The following XDH variants were observed in gnomAD, a reference collection of about 807,000 sequenced individuals.
XDH encodes xanthine dehydrogenase.
A neutral mutation model predicts 156.1 loss-of-function variants in XDH; 138 were observed. The ratio of observed to expected loss-of-function variants is 0.88; its 90% confidence interval spans 0.77 to 1.02. The LOEUF (loss-of-function observed/expected upper bound fraction) is 1.02, where lower values mean the gene tolerates loss of function less well. Among genes scored for constraint, XDH ranks in the 50% least tolerant of loss-of-function variants. The probability of loss-of-function intolerance (pLI) is 0.00; values close to 1 mark genes in which losing one functional copy is unlikely to be tolerated. For missense variants in XDH, 1,849 were observed against 1,684.9 expected, an observed-to-expected ratio of 1.10 and a Z score of -1.71; for synonymous variants, 669 against 625.7, an observed-to-expected ratio of 1.07 and a Z score of -1.03.
At chr2:31,337,841 C>T (rs1352906138) in intron 34 of XDH, 24 bp from the exon 35 acceptor site, 1 of 1,610,956 alleles carries the variant, frequency 6.2e-7, no homozygotes, top group South Asian at 1.1e-5. Context: ...GGGCACAGGG[C>T]AGGGGCTCAG....
At chr2:31,345,735 G>A (rs543774580) in intron 30 of XDH, among the ~76,000 whole-genome samples, 3 of 152,176 alleles carry the variant, frequency 2.0e-5, no homozygotes, top group Admixed American at 6.5e-5. Flanking sequence ...GTGCACATGC[G>A]CATGTGTATG....
intron 13 of XDH, 116 bp from the exon 14 acceptor site, chr2:31,377,353 G>C: frequency 8.9e-7 from 1 of 1,129,254 alleles, no homozygotes; most frequent in Non-Finnish European, 1.3e-6. Context: ...TCACACATCA[G>C]TGGGTGAACT....
At chr2:31,378,175 GAAGC>G (rs150555652) in intron 13 of XDH, among the ~76,000 whole-genome samples, 2,242 of 70,440 alleles carry the variant, frequency 0.032, 153 homozygotes, top group South Asian at 0.067. Context: ...AGGAAGGAAG[GAAGC>G]AAGCAAGCAA....
chr2:31,341,949 G>A (rs2148750202), intron 32 of XDH, among the ~76,000 whole-genome samples: 1 of 152,288 alleles, frequency 6.6e-6, no homozygotes, highest in Non-Finnish European at 1.5e-5. Context: ...TTTACAAGCT[G>A]TCTATGACTG....
chr2:31,370,529 AC>A (rs1339061258), intron 17 of XDH, 51 bp from the exon 18 acceptor site: 1 of 1,610,624 alleles, frequency 6.2e-7, no homozygotes, highest in African/African-American at 1.3e-5. Context: ...GGAGCAGGGG[AC>A]CCATCACCTG....
In XDH at chr2:31,365,929, ATTC is replaced by A. The variant is rs771470805; in HGVS notation, c.2456+44_2456+46del. On this transcript the variant is annotated intron_variant, in intron 22 of 35. Coordinates refer to ENST00000379416, the MANE Select transcript of XDH (RefSeq NM_000379.4). Reference sequence around the variant, plus strand: ...AAACCTTCCTGGCACAGACAGCCTTATTCTTCTTCCCAGAGCCAGATGGGAGAA... The same window carrying A: ...AAACCTTCCTGGCACAGACAGCCTTATTCTTCCCAGAGCCAGATGGGAGAA... The A allele has an allele frequency of 2.9e-5, 47 of 1,613,770 alleles. 1 individual carries two copies. The South Asian group carries it at 3.7e-4, about 13-fold the overall frequency.
intron 24 of XDH, among the ~76,000 whole-genome samples, chr2:31,353,830 G>A (rs896579478): frequency 5.3e-5 from 8 of 152,168 alleles, no homozygotes; most frequent in African/African-American, 1.9e-4. Context: ...CCACATTCAT[G>A]AGGCTGTTAT....
chr2:31,383,920 C>A, intron 9 of XDH, 73 bp from the exon 10 acceptor site: 2 of 1,248,342 alleles, frequency 1.6e-6, no homozygotes, highest in Non-Finnish European at 2.3e-6. Flanking sequence ...CAGCTTTTCT[C>A]ACCATTACAC....
chr2:31,401,939 A>G (rs1055337046), intron 3 of XDH, among the ~76,000 whole-genome samples: 4 of 152,218 alleles, frequency 2.6e-5, no homozygotes, highest in Non-Finnish European at 4.4e-5. Flanking sequence ...GGGAAAATAA[A>G]GATGAATAAG....
In XDH at chr2:31,405,868, C is replaced by T. The variant is rs547487739; in HGVS notation, c.100+39G>A. 1.1e-5 allele frequency: 17 copies of T among 1,610,994 alleles called. No homozygotes were observed. In the South Asian group the frequency reaches 1.3e-4, roughly 12 times the overall value. ...AGGCCTACAGAATCAGTCACCATTG[C>T]CCCCCTTCTCCGTCACTCCCACTCC... On this transcript the variant is annotated intron_variant, in intron 2 of 35. Coordinates refer to ENST00000379416, the MANE Select transcript of XDH (RefSeq NM_000379.4).
At chr2:31,413,281 T>C (rs1687390681) in intron 1 of XDH, among the ~76,000 whole-genome samples, 2 of 152,236 alleles carry the variant, frequency 1.3e-5, no homozygotes, top group South Asian at 4.1e-4. Context: ...TTCCTAGATT[T>C]CTACAATGTA....
At chr2:31,353,651 C>T (rs1558681995) in intron 24 of XDH, among the ~76,000 whole-genome samples, 1 of 152,164 alleles carries the variant, frequency 6.6e-6, no homozygotes, top group Non-Finnish European at 1.5e-5. Flanking sequence ...CCAAAAAGCT[C>T]ACTATATATT....
intron 6 of XDH, among the ~76,000 whole-genome samples, chr2:31,397,132 GC>G (rs1156355615): frequency 2.6e-5 from 4 of 152,288 alleles, no homozygotes; most frequent in African/African-American, 9.6e-5. Context: ...TATAATCAAT[GC>G]CCACACATCC....
rs1686600996 is a variant in XDH, at chr2:31,386,543, T to C, written c.664A>G (p.Thr222Ala). The change falls in exon 9 of 36, where the codon ACT becomes GCT. Residue 222 changes from threonine to alanine, a missense_variant. Thr to Ala is a moderately conservative substitution (Grantham distance 58). Transcript: ENST00000379416. ...FPPELLRLKD[T>A]PRKQLRFEGE... is the part of the protein sequence containing the mutation. ...TCAAATCGCAGCTGCTTCCGAGGAG[T>C]GTCTTTCAGCCTCTGGGAAATGCAG... is the stretch of plus-strand genomic sequence containing the variant. 1.9e-6 allele frequency: 3 copies of C among 1,613,918 alleles called. No homozygotes were observed. The highest frequency in any genetic ancestry group is 2.2e-5 in the East Asian group (1 of 44,878).
intron 6 of XDH, among the ~76,000 whole-genome samples, chr2:31,396,835 T>G (rs1686919777): frequency 6.6e-6 from 1 of 152,200 alleles, no homozygotes; most frequent in Non-Finnish European, 1.5e-5. Flanking sequence ...TTTTCCATCC[T>G]TATAAGGTCC....
chr2:31,414,501 G>A (rs548338514), intron 1 of XDH, 124 bp downstream of exon 1: 6 of 1,395,898 alleles, frequency 4.3e-6, no homozygotes, highest in East Asian at 2.3e-5. Flanking sequence ...TAAAGCGAGA[G>A]AGAGAAAGAC....
At chr2:31,376,700 A>G (rs1366816) in intron 14 of XDH, among the ~76,000 whole-genome samples, 14,852 of 149,806 alleles carry the variant, frequency 0.099, 2,396 homozygotes, top group African/African-American at 0.34. Context: ...TCATAGTAAT[A>G]GCAATAATGA....
chr2:31,339,702 T>A lies in XDH; in HGVS notation c.3586-25A>T, dbSNP rs755890326. The A allele has an allele frequency of 4.3e-6, 7 of 1,612,788 alleles. No homozygotes were observed. In the South Asian group the frequency reaches 7.7e-5, roughly 18 times the overall value. ...CCTGCAGGATGGATGGAGAGCACAG[T>A]TAGCCTGCCACCTTCTTCCCTGAGG... On this transcript the variant is annotated intron_variant, in intron 33 of 35. Transcript: ENST00000379416.
Position 31,344,738 on chromosome 2 carries a change from T to C in XDH, c.3352-2A>G, listed in dbSNP as rs758748687. 11 of 1,613,950 alleles carry C rather than the reference T, an allele frequency of 6.8e-6. No individual in the cohort carries two copies. In the South Asian group the frequency reaches 1.2e-4, roughly 18 times the overall value. On this transcript the variant is annotated splice_acceptor_variant, in intron 30 of 35. Transcript: ENST00000379416. LOFTEE classifies it high-confidence loss of function. ...TGTGTCCATGTAGGCAGCTGTGACC[T>C]GAGGAGAGGAGATGGCCATCAGGCA...
Sources: allele counts gnomAD v4.1 joint callset (sites outside exome capture counted in the v4.1 genomes callset), GRCh38; gene constraint gnomAD v4.1.1; transcripts MANE v1.5; gene names NCBI Gene and HGNC (gene_info 2026-07-23, HGNC 2026-07-21).